Variants in CDH9 observed in about 807,000 individuals in gnomAD.
The protein encoded by CDH9 is cadherin-9.
A neutral mutation model predicts 70.9 loss-of-function variants in CDH9; 28 were observed. The observed-to-expected ratio is 0.40, with a 90% confidence interval of 0.29 to 0.54. CDH9 has a LOEUF of 0.54. Ranked by LOEUF, CDH9 falls within the 20% of genes least tolerant of loss-of-function variation. The pLI, the probability that CDH9 is intolerant of heterozygous loss-of-function variation, is 0.59. For missense variants in CDH9, 874 were observed against 984.4 expected (o/e 0.89, Z 1.50); for synonymous variants, 409 against 343.1 (o/e 1.19, Z -2.12).
chr5:26,992,865 G>A (rs1742600040), intron 1 of CDH9, among the ~76,000 whole-genome samples: 1 of 152,150 alleles, frequency 6.6e-6, no homozygotes. Context: ...AGAAGGCCGA[G>A]GCGGGCGGAT....
intron 1 of CDH9, among the ~76,000 whole-genome samples, chr5:26,999,892 A>C (rs139895995): frequency 6.6e-6 from 1 of 152,290 alleles, no homozygotes; most frequent in Non-Finnish European, 1.5e-5. Context: ...AATTTCTCGA[A>C]GAAAATGCTG....
chr5:26,987,342 T>C (rs984619491), intron 2 of CDH9, among the ~76,000 whole-genome samples: 1 of 151,946 alleles, frequency 6.6e-6, no homozygotes, highest in Non-Finnish European at 1.5e-5. Flanking sequence ...TGAATTGTCC[T>C]GAGTTTAGAA....
chr5:26,982,691 T>C (rs576977553), intron 2 of CDH9, among the ~76,000 whole-genome samples: 1 of 151,924 alleles, frequency 6.6e-6, no homozygotes, highest in Admixed American at 6.6e-5. Context: ...TGTTTTTTTG[T>C]TTTTTTGTTT....
At chr5:26,988,020 T>A in intron 2 of CDH9, 86 bp downstream of exon 2, 1 of 855,522 alleles carries the variant, frequency 1.2e-6, no homozygotes. Context: ...TATTTTTTAA[T>A]AATCACTAGT....
rs1051708587 is a variant in CDH9 at position 26,940,957 on chromosome 5, G to T, written c.229-25033C>A. 4.6e-5 allele frequency among the ~76,000 whole-genome samples: 7 copies of T among 152,332 alleles called. No homozygotes were observed. The South Asian group carries it at 6.2e-4, about 14-fold the overall frequency. On this transcript the variant is annotated intron_variant, in intron 2 of 11. Coordinates refer to ENST00000231021, the MANE Select transcript of CDH9 (RefSeq NM_016279.4). Reference sequence around the variant, plus strand: ...AAATAAACTTATCCAGGCTGAAGCCGATGTAATAGATAGGGTTTTCATAGA... The same window carrying T: ...AAATAAACTTATCCAGGCTGAAGCCTATGTAATAGATAGGGTTTTCATAGA...
intron 2 of CDH9, among the ~76,000 whole-genome samples, chr5:26,980,665 TAAAC>T (rs1446904277): frequency 6.6e-6 from 1 of 152,018 alleles, no homozygotes; most frequent in Non-Finnish European, 1.5e-5. Context: ...TGGTAGTTTC[TAAAC>T]AAACAAACAT....
Position 26,890,475 on chromosome 5 carries a change from C to T in CDH9, c.1343G>A (p.Arg448Gln), listed in dbSNP as rs1227025606. The T allele has an allele frequency of 4.3e-6, 7 of 1,612,986 alleles. No homozygotes were observed. Among genetic ancestry groups the T allele is most frequent in the South Asian group, 2.2e-5 (2 of 91,058 alleles). The change falls in exon 8 of 12, where the codon CGG becomes CAG. Residue 448 changes from arginine to glutamine, a missense_variant. By Grantham distance (43) the Arg-to-Gln change is conservative. Coordinates refer to ENST00000231021, the MANE Select transcript of CDH9 (RefSeq NM_016279.4). Reference protein sequence around the residue: ...GSIFTLKALDRESSPWHNITV... With the variant: ...GSIFTLKALDQESSPWHNITV... ...GATGTTATGCCAAGGAGATGATTCC[C>T]GGTCAAGGGCTTTCAAAGTGAAAAT...
At position 26,903,623 on chromosome 5, in the gene CDH9, CAG is replaced by C; in HGVS notation, c.999+12_999+13del. 1 of 1,537,830 alleles carries C rather than the reference CAG, an allele frequency of 6.5e-7. No individual in the cohort carries two copies. The highest frequency in any genetic ancestry group is 1.1e-5 in the South Asian group (1 of 89,568). ...AAAGCACTCAATGAAAAGATGAAGA[CAG>C]TGAAAAGAAACCTGTTTGACAGTTA... On this transcript the variant is annotated intron_variant, in intron 6 of 11. Transcript: ENST00000231021.
chr5:26,957,147 A>G (rs946301147), intron 2 of CDH9, among the ~76,000 whole-genome samples: 4 of 151,854 alleles, frequency 2.6e-5, no homozygotes, highest in African/African-American at 9.7e-5. Flanking sequence ...ATTTTCCTGC[A>G]CCATCAATAA....
chr5:26,954,328 A>G (rs1741901693), intron 2 of CDH9, among the ~76,000 whole-genome samples: 1 of 150,646 alleles, frequency 6.6e-6, no homozygotes, highest in Non-Finnish European at 1.5e-5. Flanking sequence ...GTCAATTTTA[A>G]TATTAATCCT....
At chr5:26,899,859 A>C (rs956727829) in intron 7 of CDH9, among the ~76,000 whole-genome samples, 4 of 150,860 alleles carry the variant, frequency 2.7e-5, no homozygotes, top group Admixed American at 1.3e-4. Context: ...CACAGAACTT[A>C]AAGTATAATT....
intron 7 of CDH9, among the ~76,000 whole-genome samples, chr5:26,894,171 C>G (rs1740707763): frequency 6.6e-6 from 1 of 152,070 alleles, no homozygotes; most frequent in African/African-American, 2.4e-5. Flanking sequence ...TTGGAAAGGT[C>G]AATAGTTAAC....
chr5:26,974,400 T>C (rs954373609), intron 2 of CDH9, among the ~76,000 whole-genome samples: 1 of 152,124 alleles, frequency 6.6e-6, no homozygotes, highest in Non-Finnish European at 1.5e-5. Flanking sequence ...GTTTGAAAGA[T>C]ATTCGCCTGT....
intron 1 of CDH9, among the ~76,000 whole-genome samples, chr5:26,989,554 C>T (rs976901951): frequency 6.6e-6 from 1 of 151,040 alleles, no homozygotes; most frequent in Non-Finnish European, 1.5e-5. Context: ...CTTTCATTTT[C>T]TCTTTCACCC....
intron 2 of CDH9, among the ~76,000 whole-genome samples, chr5:26,964,602 C>G (rs1742096874): frequency 6.6e-6 from 1 of 152,118 alleles, no homozygotes; most frequent in Non-Finnish European, 1.5e-5. Context: ...CACTCATAAA[C>G]CTAGCACTAT....
chr5:27,006,986 A>C (rs1196090261), intron 1 of CDH9, among the ~76,000 whole-genome samples: 2 of 152,146 alleles, frequency 1.3e-5, no homozygotes, highest in Admixed American at 6.6e-5. Flanking sequence ...GAAGTCATTT[A>C]TTGAATAATA....
chr5:26,952,749 T>C (rs1400227237), intron 2 of CDH9, among the ~76,000 whole-genome samples: 1 of 150,956 alleles, frequency 6.6e-6, no homozygotes, highest in Non-Finnish European at 1.5e-5. Context: ...ACTCATGGAT[T>C]AATGGATTAA....
intron 2 of CDH9, among the ~76,000 whole-genome samples, chr5:26,921,679 C>T (rs1741246075): frequency 6.6e-6 from 1 of 152,134 alleles, no homozygotes; most frequent in African/African-American, 2.4e-5. Flanking sequence ...AGTGTACTGT[C>T]TCTCTAAATA....
rs547135982 is a variant in CDH9, at chr5:26,998,764, G to T, written c.-49-10382C>A. On this transcript the variant is annotated intron_variant, in intron 1 of 11. Transcript: ENST00000231021. ...AAAAAGAAAATCAGAGGAAAAGAAA[G>T]TTTTATAAGGGAAGGAGTAATTAAG... Among the ~76,000 whole-genome samples the T allele has an allele frequency of 6.9e-4, 105 of 151,864 alleles. 1 individual carries two copies. Among genetic ancestry groups the T allele is most frequent in the African/African-American group, 2.4e-3 (101 of 41,462 alleles).
Sources: gnomAD v4.1 joint callset for allele counts (sites outside exome capture counted in the v4.1 genomes callset) on GRCh38, gnomAD v4.1.1 for gene constraint, MANE v1.5 for transcripts, NCBI Gene and HGNC (gene_info 2026-07-23, HGNC 2026-07-21) for gene names.